GRM8: variants seen among roughly 807,000 people sequenced by gnomAD.
GRM8 encodes the protein glutamate metabotropic receptor 8, also known as metabotropic glutamate receptor 8.
GRM8 carries 47 observed loss-of-function variants against 87.2 expected under a neutral mutation model. The ratio of observed to expected loss-of-function variants is 0.54; its 90% CI spans 0.43 to 0.69. The LOEUF (loss-of-function observed/expected upper bound fraction) is 0.69, where lower values mean the gene tolerates loss of function less well. Ranked by LOEUF, GRM8 falls within the 30% of genes least tolerant of loss-of-function variation. The pLI, the probability that GRM8 is intolerant of heterozygous loss-of-function variation, is 0.00. For synonymous variants in GRM8, 396 were observed against 404.5 expected, an observed-to-expected ratio of 0.98 and a Z score of 0.25; for missense variants, 1,019 against 1,139.2, an observed-to-expected ratio of 0.89 and a Z score of 1.52.
At chr7:127,015,263 AGAG>A (rs1815545637) in intron 3 of GRM8, among the ~76,000 whole-genome samples, 7 of 110,488 alleles carry the variant, frequency 6.3e-5, no homozygotes, top group Admixed American at 2.1e-4. Flanking sequence ...GAAGAAGAAA[AGAG>A]AGAGAGAGAG....
At chr7:127,215,878 T>C (rs550517748) in intron 2 of GRM8, among the ~76,000 whole-genome samples, 3 of 152,148 alleles carry the variant, frequency 2.0e-5, no homozygotes, top group Non-Finnish European at 4.4e-5. Context: ...AACTGAATTT[T>C]CTAGAACTAA....
At chr7:127,114,393 G>T (rs542936766) in intron 2 of GRM8, among the ~76,000 whole-genome samples, 1 of 152,166 alleles carries the variant, frequency 6.6e-6, no homozygotes, top group Non-Finnish European at 1.5e-5. Flanking sequence ...CATGAGCTCA[G>T]TAAGACCAAG....
intron 3 of GRM8, among the ~76,000 whole-genome samples, chr7:127,026,170 A>T (rs989463436): frequency 1.3e-5 from 2 of 152,268 alleles, no homozygotes; most frequent in East Asian, 3.9e-4. Flanking sequence ...CGTGCAAAGG[A>T]CACAAACTCA....
intron 3 of GRM8, among the ~76,000 whole-genome samples, chr7:126,933,854 T>C (rs920158074): frequency 1.3e-5 from 2 of 152,192 alleles, no homozygotes; most frequent in African/African-American, 4.8e-5. Flanking sequence ...ATCACCTCTC[T>C]GGGACTAGCA....
intron 6 of GRM8, among the ~76,000 whole-genome samples, chr7:126,806,861 A>C (rs1563205631): frequency 6.6e-6 from 1 of 152,110 alleles, no homozygotes; most frequent in Non-Finnish European, 1.5e-5. Flanking sequence ...CGTAAGCCCC[A>C]GCTCCCACCC....
intron 6 of GRM8, among the ~76,000 whole-genome samples, chr7:126,823,933 T>G (rs1419448): frequency 0.64 from 97,672 of 151,966 alleles, 31,533 homozygotes; most frequent in Non-Finnish European, 0.65. Flanking sequence ...TGGATTTCCA[T>G]ATTTCCATAT....
chr7:127,052,656 A>C (rs918469994), intron 3 of GRM8, among the ~76,000 whole-genome samples: 1 of 152,186 alleles, frequency 6.6e-6, no homozygotes, highest in Non-Finnish European at 1.5e-5. Context: ...ACATTACAGC[A>C]ATGTTCACTA....
At chr7:127,195,958 A>G (rs1176785355) in intron 2 of GRM8, among the ~76,000 whole-genome samples, 1 of 152,244 alleles carries the variant, frequency 6.6e-6, no homozygotes, top group Non-Finnish European at 1.5e-5. Flanking sequence ...TTGAATAAAT[A>G]AATGAATGGA....
At chr7:126,824,347 A>C (rs1181503326) in intron 6 of GRM8, among the ~76,000 whole-genome samples, 1 of 152,226 alleles carries the variant, frequency 6.6e-6, no homozygotes, top group Non-Finnish European at 1.5e-5. Context: ...GCACATGAGA[A>C]AGGAAAGAGT....
chr7:127,007,546 G>A (rs147043190), intron 3 of GRM8, among the ~76,000 whole-genome samples: 8 of 152,048 alleles, frequency 5.3e-5, no homozygotes, highest in Admixed American at 5.3e-4. Context: ...ATCACTAGTG[G>A]ATTGTTTCAG....
At chr7:126,750,496 C>A (rs531454358) in intron 7 of GRM8, among the ~76,000 whole-genome samples, 1 of 151,844 alleles carries the variant, frequency 6.6e-6, no homozygotes, top group African/African-American at 2.4e-5. Context: ...ATTAAGCCGA[C>A]GAAGAAAAAA....
chr7:126,819,303 C>T (rs977999681), intron 6 of GRM8, among the ~76,000 whole-genome samples: 13 of 151,886 alleles, frequency 8.6e-5, no homozygotes, highest in East Asian at 1.9e-4. Context: ...CACACGTGCA[C>T]GCGCAAACTC....
chr7:126,969,624 C>T (rs1381794702), intron 3 of GRM8, among the ~76,000 whole-genome samples: 1 of 152,110 alleles, frequency 6.6e-6, no homozygotes, highest in Non-Finnish European at 1.5e-5. Context: ...CTACTACAGT[C>T]TTGAACCCCT....
chr7:127,230,492 GC>G (rs1797616481), intron 2 of GRM8, among the ~76,000 whole-genome samples: 1 of 151,948 alleles, frequency 6.6e-6, no homozygotes, highest in African/African-American at 2.4e-5. Flanking sequence ...ATTCCTTTAA[GC>G]CCAGCCCAGC....
intron 2 of GRM8, among the ~76,000 whole-genome samples, chr7:127,222,340 G>A (rs747524527): frequency 3.9e-5 from 6 of 152,182 alleles, no homozygotes; most frequent in Non-Finnish European, 7.3e-5. Context: ...ACCGGGAGGC[G>A]GAGACTGTGG....
chr7:126,846,312 A>G, intron 6 of GRM8, among the ~76,000 whole-genome samples: 1 of 152,212 alleles, frequency 6.6e-6, no homozygotes, highest in Non-Finnish European at 1.5e-5. Flanking sequence ...AATAAAACCA[A>G]ATGTAGGAGA....
intron 8 of GRM8, among the ~76,000 whole-genome samples, chr7:126,575,791 T>A (rs1032717246): frequency 6.6e-6 from 1 of 152,220 alleles, no homozygotes; most frequent in African/African-American, 2.4e-5. Context: ...CCTAAGGCAG[T>A]ATAATGAGTT....
chr7:126,923,117 T>G (rs1212158643), intron 3 of GRM8, among the ~76,000 whole-genome samples: 1 of 152,256 alleles, frequency 6.6e-6, no homozygotes, highest in East Asian at 1.9e-4. Flanking sequence ...GGAAGCATCT[T>G]CTGTAACCAG....
At chr7:126,996,873 T>C (rs975607715) in intron 3 of GRM8, among the ~76,000 whole-genome samples, 4 of 151,974 alleles carry the variant, frequency 2.6e-5, no homozygotes, top group African/African-American at 9.7e-5. Context: ...CTTTCAACAT[T>C]GTTGATTTTC....
Sources: gnomAD v4.1 joint callset for allele counts (sites outside exome capture counted in the v4.1 genomes callset) on GRCh38, gnomAD v4.1.1 for gene constraint, MANE v1.5 for transcripts, NCBI Gene and HGNC (gene_info 2026-07-23, HGNC 2026-07-21) for gene names.